The following SPATA17 variants were observed in gnomAD, a reference collection of about 807,000 sequenced individuals.
The protein encoded by SPATA17 is spermatogenesis associated 17.
A neutral mutation model predicts 62.2 loss-of-function variants in SPATA17; 53 were observed. The observed-to-expected ratio is 0.85, with a 90% confidence interval of 0.68 to 1.07. The LOEUF is 1.07. Among genes scored for constraint, SPATA17 ranks in the 50% least tolerant of loss-of-function variants. The pLI is 0.00. For missense variants in SPATA17, 466 were observed against 425.5 expected (o/e 1.10, Z -0.84); for synonymous variants, 146 against 146.8 (o/e 0.99, Z 0.04).
chr1:217,851,802 A>T (rs1675672332), intron 9 of SPATA17, among the ~76,000 whole-genome samples: 1 of 152,174 alleles, frequency 6.6e-6, no homozygotes. Context: ...ACAAGGCAAT[A>T]TTGCTTTTTA....
At chr1:217,761,919 C>G (rs6604559) in intron 6 of SPATA17, among the ~76,000 whole-genome samples, 116,399 of 152,074 alleles carry the variant, frequency 0.77, 44,950 homozygotes, top group Non-Finnish European at 0.81. Flanking sequence ...CACAAGAACA[C>G]AATCTGCTGC....
At chr1:217,800,482 A>C (rs1674282461) in intron 8 of SPATA17, among the ~76,000 whole-genome samples, 1 of 152,010 alleles carries the variant, frequency 6.6e-6, no homozygotes, top group African/African-American at 2.4e-5. Context: ...GCTTTCCTTG[A>C]GACTAGAGCT....
Position 217,801,777 on chromosome 1 carries a change from C to T in SPATA17, c.932C>T (p.Ser311Leu), listed in dbSNP as rs1334334885. ...AAGTACATCCCATCAATGCATTTAT[C>T]AAGCAAGTATGGTCCTATTTCTTAC... is the stretch of plus-strand genomic sequence containing the variant. ...NEKYIPSMHL[S>L]SKYGPISYKE... is the part of the protein sequence containing the mutation. The change falls in exon 9 of 11, where the codon TCA becomes TTA. Residue 311 changes from serine (S) to leucine (L), a missense_variant. By Grantham distance (145) the Ser-to-Leu change is moderately radical. Coordinates refer to ENST00000366933, the MANE Select transcript of SPATA17 (RefSeq NM_138796.4). 1.2e-6 allele frequency: 2 copies of T among 1,611,324 alleles called. No individual in the cohort carries two copies. Among genetic ancestry groups the T allele is most frequent in the African/African-American group, 1.3e-5 (1 of 74,804 alleles).
At chr1:217,718,138 A>G (rs1040537156) in intron 5 of SPATA17, among the ~76,000 whole-genome samples, 4 of 152,220 alleles carry the variant, frequency 2.6e-5, no homozygotes, top group East Asian at 1.9e-4. Flanking sequence ...TAAGCATTAA[A>G]GAGCTATCAA....
At chr1:217,708,191 G>T (rs746223515) in intron 5 of SPATA17, among the ~76,000 whole-genome samples, 47 of 151,990 alleles carry the variant, frequency 3.1e-4, no homozygotes, top group Non-Finnish European at 5.1e-4. Flanking sequence ...CAGAAGACAA[G>T]AAATAACCAA....
intron 6 of SPATA17, among the ~76,000 whole-genome samples, chr1:217,752,997 C>T (rs1232445121): frequency 6.6e-6 from 1 of 152,116 alleles, no homozygotes; most frequent in Non-Finnish European, 1.5e-5. Context: ...AACATGTACC[C>T]ACCTCATCTT....
At chr1:217,769,289 C>T (rs1223985958) in intron 6 of SPATA17, among the ~76,000 whole-genome samples, 1 of 152,180 alleles carries the variant, frequency 6.6e-6, no homozygotes, top group Non-Finnish European at 1.5e-5. Context: ...TGGTATAGCA[C>T]TATAGTTAGG....
At chr1:217,741,734 G>A (rs1248938131) in intron 5 of SPATA17, among the ~76,000 whole-genome samples, 1 of 152,120 alleles carries the variant, frequency 6.6e-6, no homozygotes, top group East Asian at 1.9e-4. Flanking sequence ...TATTTTCTCA[G>A]CTTTGAATTA....
Position 217,869,382 on chromosome 1 carries a change from A to G in SPATA17, c.*2363A>G, listed in dbSNP as rs924191965. On this transcript the variant is annotated 3_prime_UTR_variant, in exon 11 of 11. Coordinates refer to ENST00000366933, the MANE Select transcript of SPATA17 (RefSeq NM_138796.4). ...TGCAGATGAAGCCTCCAGGTGGCAG[A>G]CTTCAGAGAGCATAGATTGTAAATG... The G allele has an allele frequency of 2.0e-5, 3 of 152,168 alleles. No homozygotes were observed. The highest frequency in any genetic ancestry group is 4.4e-5 in the Non-Finnish European group (3 of 68,034). 9.4% of individuals were successfully genotyped at this position (152,168 alleles called of 1,614,324 possible).
chr1:217,749,234 T>C (rs909147841), intron 6 of SPATA17, among the ~76,000 whole-genome samples: 1 of 152,200 alleles, frequency 6.6e-6, no homozygotes, highest in Non-Finnish European at 1.5e-5. Context: ...TTGAAAAACA[T>C]TGATTTTGTT....
chr1:217,830,624 A>G (rs1675118020), intron 9 of SPATA17, among the ~76,000 whole-genome samples: 1 of 152,110 alleles, frequency 6.6e-6, no homozygotes, highest in African/African-American at 2.4e-5. Context: ...TCTTCATGGA[A>G]TTATTTAGTT....
At chr1:217,755,332 G>A (rs889862192) in intron 6 of SPATA17, among the ~76,000 whole-genome samples, 1 of 152,074 alleles carries the variant, frequency 6.6e-6, no homozygotes, top group South Asian at 2.1e-4. Flanking sequence ...TATTCATAGA[G>A]TATCACAAGA....
At chr1:217,714,497 T>C (rs1671953488) in intron 5 of SPATA17, among the ~76,000 whole-genome samples, 2 of 146,294 alleles carry the variant, frequency 1.4e-5, no homozygotes, top group South Asian at 4.3e-4. Flanking sequence ...TCTTTTTTTT[T>C]TTTTTGAGAC....
rs904782489 is a variant in SPATA17, at chr1:217,643,177, T to C, written c.69-5705T>C. 4.6e-5 allele frequency among the ~76,000 whole-genome samples: 7 copies of C among 151,834 alleles called. No individual in the cohort carries two copies. The East Asian group carries it at 1.2e-3, about 25-fold the overall frequency. On this transcript the variant is annotated intron_variant, in intron 1 of 10. Coordinates refer to ENST00000366933, the MANE Select transcript of SPATA17 (RefSeq NM_138796.4). ...AGCACAATACGTTCATTCTAGTTTT[T>C]TTCTCTTACCTTTTCTGACAGAGAG...
chr1:217,663,006 A>C (rs916085110), intron 3 of SPATA17, among the ~76,000 whole-genome samples: 13 of 152,208 alleles, frequency 8.5e-5, no homozygotes, highest in Non-Finnish European at 1.6e-4. Flanking sequence ...TATTAATTTA[A>C]AACTTTAACA....
At chr1:217,798,054 T>C (rs910003502) in intron 8 of SPATA17, among the ~76,000 whole-genome samples, 1 of 152,208 alleles carries the variant, frequency 6.6e-6, no homozygotes, top group African/African-American at 2.4e-5. Context: ...TTAATGAAGC[T>C]TGTGATCTTT....
At chr1:217,792,066 C>A (rs1674004988) in intron 8 of SPATA17, among the ~76,000 whole-genome samples, 8 of 151,998 alleles carry the variant, frequency 5.3e-5, no homozygotes, top group Non-Finnish European at 1.5e-5. Context: ...AGCTGATAAA[C>A]TTTAAAAAAA....
Position 217,668,628 on chromosome 1 carries a change from A to G in SPATA17, c.241-405A>G, listed in dbSNP as rs201362853. 1.6e-4 allele frequency among the ~76,000 whole-genome samples: 25 copies of G among 152,312 alleles called. No homozygotes were observed. The East Asian group carries it at 3.5e-3, about 21-fold the overall frequency. On this transcript the variant is annotated intron_variant, in intron 3 of 10. Transcript: ENST00000366933. The stretch of plus-strand genomic sequence containing the variant: ...ATTTCTTTGAATTTTTCATTAAACC[A>G]GACGTCTTGAAATATGAATTCCTTT...
chr1:217,859,700 C>G (rs6681980), intron 9 of SPATA17, among the ~76,000 whole-genome samples: 7,070 of 152,200 alleles, frequency 0.046, 536 homozygotes, highest in African/African-American at 0.16. Context: ...GTCACCATGT[C>G]TGGCCATAAT....
Sources: gnomAD v4.1 joint callset for allele counts (sites outside exome capture counted in the v4.1 genomes callset) on GRCh38, gnomAD v4.1.1 for gene constraint, MANE v1.5 for transcripts, NCBI Gene and HGNC (gene_info 2026-07-23, HGNC 2026-07-21) for gene names.